The following TCERG1 variants were observed in gnomAD, a reference collection of about 807,000 sequenced individuals.
TCERG1 encodes transcription elongation regulator 1, also known as TATA box binding protein (TBP)-associated factor, RNA polymerase II, S, 150kD.
TCERG1 carries 37 observed loss-of-function variants against 144.7 expected under a neutral mutation model. The observed-to-expected ratio is 0.26, with a 90% CI of 0.20 to 0.34. The LOEUF (loss-of-function observed/expected upper bound fraction) is 0.34, where lower values mean the gene tolerates loss of function less well. Ranked by LOEUF, TCERG1 falls within the 10% of genes least tolerant of loss-of-function variation. TCERG1 has a pLI of 1.00. For missense variants in TCERG1, 1,027 were observed against 1,380.7 expected, an observed-to-expected ratio of 0.74 and a Z score of 4.06; for synonymous variants, 492 against 458.2, an observed-to-expected ratio of 1.07 and a Z score of -0.94.
At chr5:146,494,117 C>T (rs892457106) in intron 16 of TCERG1, among the ~76,000 whole-genome samples, 9 of 151,848 alleles carry the variant, frequency 5.9e-5, no homozygotes, top group Admixed American at 5.9e-4. Flanking sequence ...CCAGGGAGTC[C>T]TGAGTTTTTT....
At chr5:146,475,800 C>T (rs996957183) in intron 9 of TCERG1, among the ~76,000 whole-genome samples, 4 of 152,158 alleles carry the variant, frequency 2.6e-5, no homozygotes, top group Non-Finnish European at 2.9e-5. Context: ...TAGAGAGATA[C>T]TTCCCCTTAT....
Position 146,455,146 on chromosome 5 carries a change from T to A in TCERG1, c.150T>A (p.Pro50=), listed in dbSNP as rs778309557. The A allele has an allele frequency of 1.9e-6, 3 of 1,614,066 alleles. No homozygotes were observed. The highest frequency in any genetic ancestry group is 2.5e-6 in the Non-Finnish European group (3 of 1,179,990). ...MRGPPPLMRP[P]PPFGMMRGPP... is the part of the protein sequence containing the mutation. ...GCCCACCACCTCTGATGCGACCTCC[T>A]CCACCTTTTGGTATGATGCGAGGCC... Residue 50 remains proline, a synonymous_variant, in exon 2 of 23, where the codon CCT becomes CCA. Transcript: ENST00000679501.
At chr5:146,505,622 G>GT (rs143257854) in intron 19 of TCERG1, 7,873 of 152,220 alleles carry the variant, frequency 0.052, 283 homozygotes, top group Middle Eastern at 0.11. Flanking sequence ...TTCTTCAGGG[G>GT]TACGCTCAAG....
At chr5:146,457,664 C>T (rs557049061) in intron 3 of TCERG1, among the ~76,000 whole-genome samples, 20 of 152,320 alleles carry the variant, frequency 1.3e-4, no homozygotes, top group African/African-American at 3.4e-4. Flanking sequence ...CCATTCTTAT[C>T]AGTAAGGGAA....
At chr5:146,487,465 G>A (rs772061162) in intron 15 of TCERG1, among the ~76,000 whole-genome samples, 1 of 152,128 alleles carries the variant, frequency 6.6e-6, no homozygotes, top group Non-Finnish European at 1.5e-5. Context: ...AAAAAAATCT[G>A]GATAGGCAAG....
chr5:146,455,097 C>T lies in TCERG1; in HGVS notation c.101C>T (p.Pro34Leu). ...GCCTTGAGGTTCCGAGGTCCGGCTC[C>T]CCCACCAAATGCAGTGATGCGAGGC... is the stretch of plus-strand genomic sequence containing the variant. ...QQALRFRGPA[P>L]PPNAVMRGPP... Residue 34 changes from proline (P) to leucine (L), a missense_variant, in exon 2 of 23, where the codon CCC (proline) becomes CTC (leucine). Transcript: ENST00000679501. The T allele has an allele frequency of 6.2e-7, 1 of 1,614,244 alleles. No individual in the cohort carries two copies. Among genetic ancestry groups the T allele is most frequent in the Non-Finnish European group, 8.5e-7 (1 of 1,180,048 alleles).
chr5:146,482,573 T>TA lies in TCERG1; in HGVS notation c.1938-18dup. 6.3e-7 allele frequency: 1 copy of TA among 1,586,158 alleles called. No individual in the cohort carries two copies. Among genetic ancestry groups the TA allele is most frequent in the South Asian group, 1.2e-5 (1 of 86,622 alleles). On this transcript the variant is annotated intron_variant, in intron 13 of 22. Coordinates refer to ENST00000679501, the MANE Select transcript of TCERG1 (RefSeq NM_001382548.1). Reference sequence around the variant, plus strand: ...ATTAATATTTTGTCAGTTGATGTCTTATATTTTATTTTTTATAGGAGAGAC... The same window carrying TA: ...ATTAATATTTTGTCAGTTGATGTCTTAATATTTTATTTTTTATAGGAGAGAC...
intron 17 of TCERG1, among the ~76,000 whole-genome samples, chr5:146,499,290 T>C (rs558475824): frequency 6.6e-6 from 1 of 152,324 alleles, no homozygotes; most frequent in East Asian, 1.9e-4. Context: ...TGTCCTGGTA[T>C]GCTTTGTGAA....
chr5:146,503,299 T>C (rs1248385482), intron 17 of TCERG1, 76 bp from the exon 18 acceptor site: 1 of 1,424,338 alleles, frequency 7.0e-7, no homozygotes, highest in African/African-American at 1.4e-5. Context: ...TTTCTAGTTG[T>C]AAATATTTAA....
At chr5:146,448,337 C>T (rs1242453010) in intron 1 of TCERG1, among the ~76,000 whole-genome samples, 3 of 152,070 alleles carry the variant, frequency 2.0e-5, no homozygotes, top group East Asian at 1.9e-4. Context: ...CCTTTTTTTC[C>T]CCTGGAACCT....
intron 1 of TCERG1, among the ~76,000 whole-genome samples, chr5:146,453,118 T>G (rs972913001): frequency 6.6e-6 from 1 of 152,178 alleles, no homozygotes; most frequent in African/African-American, 2.4e-5. Context: ...GGGGAAGAGA[T>G]AGATAATACT....
chr5:146,497,642 A>G (rs1244460961), intron 16 of TCERG1, among the ~76,000 whole-genome samples: 1 of 152,048 alleles, frequency 6.6e-6, no homozygotes, highest in Non-Finnish European at 1.5e-5. Flanking sequence ...AAAAGTGGAT[A>G]TTTTTGTTTT....
intron 5 of TCERG1, among the ~76,000 whole-genome samples, chr5:146,465,231 A>C (rs1763670324): frequency 6.6e-6 from 1 of 152,310 alleles, no homozygotes; most frequent in East Asian, 1.9e-4. Context: ...GGTTAAGGAC[A>C]GTATTAAGAC....
Position 146,507,003 on chromosome 5 carries a change from T to C in TCERG1, c.2782-25T>C. ...ACATTCAGATAAGTCTCTTTGGTGATATATATATAATTTTTTCTCTTCAGG... is the reference window on the plus strand; with the variant it reads ...ACATTCAGATAAGTCTCTTTGGTGACATATATATAATTTTTTCTCTTCAGG... On this transcript the variant is annotated intron_variant, in intron 19 of 22. Coordinates refer to ENST00000679501, the MANE Select transcript of TCERG1 (RefSeq NM_001382548.1). The surrounding 1 kb of genome is among the most constrained non-coding windows in gnomAD (Gnocchi z 4.6). 1.1e-5 allele frequency: 16 copies of C among 1,512,308 alleles called. No individual in the cohort carries two copies. The highest frequency in any genetic ancestry group is 1.4e-5 in the Non-Finnish European group (16 of 1,129,858). The allele number at this position is 1,512,308 out of a possible 1,614,324, so 93.7% of individuals were successfully genotyped here.
At chr5:146,451,827 G>A (rs985778803) in intron 1 of TCERG1, among the ~76,000 whole-genome samples, 7 of 145,200 alleles carry the variant, frequency 4.8e-5, no homozygotes, top group Non-Finnish European at 9.0e-5. Context: ...TCGCTCTCTT[G>A]CCCAGGCTGG....
chr5:146,472,187 G>A (rs1046160625), intron 9 of TCERG1, among the ~76,000 whole-genome samples: 4 of 152,192 alleles, frequency 2.6e-5, no homozygotes, highest in Middle Eastern at 3.4e-3. Context: ...CTCACTATGC[G>A]ATTACATTTA....
intron 16 of TCERG1, among the ~76,000 whole-genome samples, chr5:146,497,991 C>G (rs146925952): frequency 3.3e-4 from 51 of 152,324 alleles, no homozygotes; most frequent in African/African-American, 1.1e-3. Flanking sequence ...CACCCAAGCT[C>G]TAATCTTTGC....
chr5:146,479,672 G>T (rs1423516923), intron 10 of TCERG1, among the ~76,000 whole-genome samples, 183 bp from the exon 11 acceptor site: 1 of 152,104 alleles, frequency 6.6e-6, no homozygotes, highest in Non-Finnish European at 1.5e-5. Flanking sequence ...ATTTCAAAAT[G>T]AATTAAATTT....
Position 146,471,518 on chromosome 5 carries a change from GA to G in TCERG1, c.1547del (p.Lys516ArgfsTer47). On this transcript the variant is annotated frameshift_variant, in exon 9 of 23. Coordinates refer to ENST00000679501, the MANE Select transcript of TCERG1 (RefSeq NM_001382548.1). LOFTEE classifies it high-confidence loss of function. ...EPKEEEMTEE[E>X]KAAQKAKPVA... ...CAAAGAAGAGGAGATGACTGAAGAA[GA>G]AAAGGCTGCCCAGAAGGCAAAGCCA... The G allele has an allele frequency of 6.2e-7, 1 of 1,613,594 alleles. No homozygotes were observed. Among genetic ancestry groups the G allele is most frequent in the Non-Finnish European group, 8.5e-7 (1 of 1,179,764 alleles).
Sources: allele counts gnomAD v4.1 joint callset (sites outside exome capture counted in the v4.1 genomes callset), GRCh38; gene constraint gnomAD v4.1.1; non-coding constraint Gnocchi (gnomAD v3.1); transcripts MANE v1.5; gene names NCBI Gene and HGNC (gene_info 2026-07-23, HGNC 2026-07-21).